Variants in ASB2 observed in about 807,000 individuals in gnomAD.
The protein encoded by ASB2 is ankyrin repeat and SOCS box protein 2.
Under a neutral mutation model 62.4 loss-of-function variants are expected in ASB2, and 58 were observed. That is an observed-to-expected ratio of 0.93 (90% CI 0.75 to 1.16). The LOEUF (loss-of-function observed/expected upper bound fraction) is 1.16. Among genes scored for constraint, ASB2 ranks in the 50% most tolerant of loss-of-function variants. The pLI is 0.00. For synonymous variants in ASB2, 386 were observed against 385.3 expected, an observed-to-expected ratio of 1.00 and a Z score of -0.02; for missense variants, 928 against 887.9, an observed-to-expected ratio of 1.05 and a Z score of -0.57.
At chr14:93,970,927 C>T (rs1229775424) in intron 1 of ASB2, among the ~76,000 whole-genome samples, 1 of 152,146 alleles carries the variant, frequency 6.6e-6, no homozygotes, top group Non-Finnish European at 1.5e-5. Flanking sequence ...AGCCGGTGGC[C>T]CCTAAAAATC....
Position 93,939,276 on chromosome 14 carries a change from C to T in ASB2, c.1449G>A (p.Met483Ile). 6.2e-7 allele frequency: 1 copy of T among 1,609,816 alleles called. No homozygotes were observed. ...GCAGCGACAGGCACTTCATGGCGAA[C>T]ATGATGGTGGCGGGGAAGGCGGTGG... The part of the protein sequence containing the change: ...THPTAFPATI[M>I]FAMKCLSLLK... Residue 483 changes from methionine to isoleucine, a missense_variant, in exon 8 of 10, where the codon ATG becomes ATA. Physicochemically the swap from Met to Ile is conservative, Grantham distance 10. Coordinates refer to ENST00000555019, the MANE Select transcript of ASB2 (RefSeq NM_001202429.2).
chr14:93,946,173 G>A (rs979312823), intron 7 of ASB2, among the ~76,000 whole-genome samples: 2 of 152,240 alleles, frequency 1.3e-5, no homozygotes, highest in African/African-American at 4.8e-5. Context: ...TGGGGTTTAA[G>A]TCCTAGCCCT....
intron 1 of ASB2, among the ~76,000 whole-genome samples, chr14:93,972,358 T>C (rs1377550470): frequency 6.6e-6 from 1 of 152,104 alleles, no homozygotes; most frequent in African/African-American, 2.4e-5. Flanking sequence ...CTCGGAGGTG[T>C]AGGACATTGT....
At position 93,947,769 on chromosome 14, in the gene ASB2, G is replaced by A. The variant is rs866958724; in HGVS notation, c.881-249C>T. ...AGCACTTTGGGAGGCTGAGGCAGGC[G>A]GATCACCTGAGGTCAGGAGTTCGAG... On this transcript the variant is annotated intron_variant, in intron 6 of 9. Coordinates refer to ENST00000555019, the MANE Select transcript of ASB2 (RefSeq NM_001202429.2). 5.3e-5 allele frequency among the ~76,000 whole-genome samples: 8 copies of A among 152,082 alleles called. No homozygotes were observed. The East Asian group carries it at 9.7e-4, about 18-fold the overall frequency.
intron 1 of ASB2, among the ~76,000 whole-genome samples, chr14:93,972,157 C>T (rs1889773225): frequency 6.6e-6 from 1 of 151,586 alleles, no homozygotes; most frequent in African/African-American, 2.4e-5. Flanking sequence ...AATCCTGAAA[C>T]CTGGCTGCTT....
intron 7 of ASB2, chr14:93,943,798 C>G (rs955399439): frequency 5.3e-6 from 2 of 373,888 alleles, no homozygotes; most frequent in African/African-American, 4.2e-5. Flanking sequence ...TCTCTTTTAA[C>G]TAATGGGGAT....
chr14:93,958,858 G>A lies in ASB2; in HGVS notation c.207-1988C>T, dbSNP rs75101626. Among the ~76,000 whole-genome samples, 1,282 of 152,268 alleles carry A rather than the reference G, an allele frequency of 8.4e-3. 7 individuals are homozygous for A. Among genetic ancestry groups the A allele is most frequent in the East Asian group, 0.026 (134 of 5,188 alleles). On this transcript the variant is annotated intron_variant, in intron 2 of 9. Transcript: ENST00000555019. The stretch of plus-strand genomic sequence containing the variant: ...GTGCATGTGTGGCCTCCAGTTACCT[G>A]CCATTGTTAGAATGTTTTTAGCAGG...
intron 2 of ASB2, among the ~76,000 whole-genome samples, chr14:93,960,130 A>G (rs1889358472): frequency 6.6e-6 from 1 of 152,180 alleles, no homozygotes; most frequent in Non-Finnish European, 1.5e-5. Flanking sequence ...AGGAGATGTA[A>G]TTGGCTTCCT....
At chr14:93,966,180 C>T (rs953287278) in intron 1 of ASB2, among the ~76,000 whole-genome samples, 1 of 152,246 alleles carries the variant, frequency 6.6e-6, no homozygotes, top group East Asian at 1.9e-4. Context: ...TAGGGTGTGG[C>T]AGATCCTGCG....
intron 7 of ASB2, among the ~76,000 whole-genome samples, chr14:93,940,991 C>T (rs539242766): frequency 1.4e-4 from 22 of 152,304 alleles, no homozygotes; most frequent in Admixed American, 3.9e-4. Flanking sequence ...TAATATATCC[C>T]GGGGTTTTGC....
chr14:93,959,912 A>C (rs959721998), intron 2 of ASB2, among the ~76,000 whole-genome samples: 8 of 151,914 alleles, frequency 5.3e-5, no homozygotes, highest in African/African-American at 1.9e-4. Flanking sequence ...GGAGCTAACA[A>C]AATCGATTCC....
At chr14:93,942,690 G>C (rs1302692447) in intron 7 of ASB2, among the ~76,000 whole-genome samples, 2 of 152,262 alleles carry the variant, frequency 1.3e-5, no homozygotes, top group Non-Finnish European at 2.9e-5. Context: ...CTTAGCTAGA[G>C]AGGGGCCCAG....
intron 1 of ASB2, among the ~76,000 whole-genome samples, chr14:93,969,262 G>T (rs940292637): frequency 6.6e-6 from 1 of 152,188 alleles, no homozygotes; most frequent in Non-Finnish European, 1.5e-5. Context: ...TGTCAGGGAT[G>T]CTATGGCGGC....
At chr14:93,955,172 C>T (rs1889137199) in intron 3 of ASB2, 2 of 456,666 alleles carry the variant, frequency 4.4e-6, no homozygotes, top group South Asian at 3.1e-5. Flanking sequence ...TTTGGGGAGG[C>T]TTCTGCATCA....
chr14:93,950,502 A>G (rs1888913017), intron 6 of ASB2, among the ~76,000 whole-genome samples: 1 of 152,154 alleles, frequency 6.6e-6, no homozygotes. Context: ...TCACTTTCCC[A>G]TCCTGGTCCT....
chr14:93,941,576 G>C (rs372156759), intron 7 of ASB2: 164 of 450,814 alleles, frequency 3.6e-4, no homozygotes, highest in African/African-American at 2.9e-3. Context: ...CAGGAGGCCT[G>C]ACTTTGCTCT....
intron 1 of ASB2, among the ~76,000 whole-genome samples, 154 bp from the exon 2 acceptor site, chr14:93,964,766 T>TAA (rs1889533533): frequency 2.2e-5 from 2 of 89,476 alleles, no homozygotes; most frequent in Admixed American, 2.4e-4. Context: ...TATCCATCTA[T>TAA]ATATCCATCC....
chr14:93,967,026 AG>A (rs1889615768), intron 1 of ASB2, among the ~76,000 whole-genome samples: 1 of 152,200 alleles, frequency 6.6e-6, no homozygotes, highest in Non-Finnish European at 1.5e-5. Context: ...TTATTGTGAA[AG>A]GAGCCCAGGA....
intron 1 of ASB2, among the ~76,000 whole-genome samples, chr14:93,973,532 C>T (rs890446525): frequency 4.6e-5 from 7 of 152,120 alleles, no homozygotes; most frequent in African/African-American, 1.4e-4. Flanking sequence ...CCACTACCTG[C>T]GGCAGTGCCC....
Sources: gnomAD v4.1 joint callset for allele counts (sites outside exome capture counted in the v4.1 genomes callset) on GRCh38, gnomAD v4.1.1 for gene constraint, MANE v1.5 for transcripts, NCBI Gene and HGNC (gene_info 2026-07-23, HGNC 2026-07-21) for gene names.